MED12L: variants seen among roughly 807,000 people sequenced by gnomAD.
The protein encoded by MED12L is mediator of RNA polymerase II transcription subunit 12-like protein.
Under a neutral mutation model 281.3 loss-of-function variants are expected in MED12L, and 60 were observed. The ratio of observed to expected loss-of-function variants is 0.21; its 90% CI spans 0.17 to 0.26. The LOEUF is 0.26. MED12L is among the 10% of genes least tolerant of loss of function. The pLI is 1.00. For synonymous variants in MED12L, 974 were observed against 987.2 expected (o/e 0.99, Z 0.25); for missense variants, 2,146 against 2,680.9 (o/e 0.80, Z 4.41).
At chr3:151,152,085 G>GTTTTTTTTTTTTTTTTTT (rs141353889) in intron 5 of MED12L, among the ~76,000 whole-genome samples, 2 of 63,020 alleles carry the variant, frequency 3.2e-5, no homozygotes, top group African/African-American at 1.2e-4. Flanking sequence ...GTTGAAGGTG[G>GTTTTTTTTTTTTTTTTTT]TTTTTTTTTT....
At chr3:151,105,317 C>T (rs1411412922) in intron 2 of MED12L, among the ~76,000 whole-genome samples, 1 of 152,172 alleles carries the variant, frequency 6.6e-6, no homozygotes, top group Non-Finnish European at 1.5e-5. Context: ...CCTTAGACCC[C>T]ATGTTTGCAT....
At chr3:151,298,557 C>CT (rs768780360) in intron 16 of MED12L, among the ~76,000 whole-genome samples, 34 of 152,224 alleles carry the variant, frequency 2.2e-4, no homozygotes, top group Non-Finnish European at 3.7e-4. Flanking sequence ...GGTATTCTCT[C>CT]TGACTCTCAT....
chr3:151,324,874 C>T (rs1749406405), intron 16 of MED12L, among the ~76,000 whole-genome samples: 1 of 152,172 alleles, frequency 6.6e-6, no homozygotes, highest in Non-Finnish European at 1.5e-5. Context: ...TTTGTAAATT[C>T]TGCACTTTCC....
chr3:151,122,718 A>G (rs1175429222), intron 3 of MED12L, 65 bp from the exon 4 acceptor site: 1 of 1,068,070 alleles, frequency 9.4e-7, no homozygotes, highest in South Asian at 2.2e-5. Flanking sequence ...GAAAAATACT[A>G]ATGTACAGTA....
Position 151,146,336 on chromosome 3 carries a change from C to G in MED12L, c.557-9825C>G, listed in dbSNP as rs183435223. Among the ~76,000 whole-genome samples the G allele has an allele frequency of 5.0e-4, 76 of 152,296 alleles. 1 individual carries two copies. The highest frequency in any genetic ancestry group is 1.7e-3 in the African/African-American group (72 of 41,552). On this transcript the variant is annotated intron_variant, in intron 5 of 44. Coordinates refer to ENST00000687756, the MANE Select transcript of MED12L (RefSeq NM_001393769.1). The stretch of plus-strand genomic sequence containing the variant: ...CGCTGCCATTTCTGTGTGTGGAACT[C>G]CTTTGTACCTTCCCCAATATGTGGA...
chr3:151,334,076 C>T (rs74683367), intron 16 of MED12L, among the ~76,000 whole-genome samples: 28 of 146,016 alleles, frequency 1.9e-4, no homozygotes, highest in African/African-American at 7.1e-4. Flanking sequence ...GACTCTATCT[C>T]AAAAAAAAGA....
At chr3:151,171,273 G>A (rs1721393519) in intron 11 of MED12L, among the ~76,000 whole-genome samples, 1 of 152,188 alleles carries the variant, frequency 6.6e-6, no homozygotes, top group Non-Finnish European at 1.5e-5. Flanking sequence ...CCTCTGAGCA[G>A]CTGGAGGAGG....
At chr3:151,200,103 CT>C (rs908406716) in intron 16 of MED12L, among the ~76,000 whole-genome samples, 3 of 151,098 alleles carry the variant, frequency 2.0e-5, no homozygotes, top group Admixed American at 6.6e-5. Context: ...ACTTGAGTCG[CT>C]TTTTTTTTCT....
At chr3:151,205,867 G>A (rs1046741685) in intron 16 of MED12L, among the ~76,000 whole-genome samples, 17 of 152,008 alleles carry the variant, frequency 1.1e-4, no homozygotes, top group African/African-American at 3.9e-4. Context: ...CATGCCATTG[G>A]GTGGTAGAAC....
intron 16 of MED12L, among the ~76,000 whole-genome samples, chr3:151,258,142 T>G (rs1485365180): frequency 2.0e-5 from 3 of 152,190 alleles, no homozygotes; most frequent in African/African-American, 7.2e-5. Flanking sequence ...GGATTCATTT[T>G]CTTCCACAGG....
chr3:151,121,037 G>A (rs113515060), intron 3 of MED12L, among the ~76,000 whole-genome samples: 1,921 of 152,136 alleles, frequency 0.013, 46 homozygotes, highest in African/African-American at 0.044. Context: ...CATTTTTAGA[G>A]CTCTGCTTGT....
Position 151,385,445 on chromosome 3 carries a change from A to G in MED12L, c.5088+254A>G, listed in dbSNP as rs147058271. ...TTAAGTAAATTTTTGGAAACCTACC[A>G]AGAGAAAACTAAGTAAAAGCTTAGT... On this transcript the variant is annotated intron_variant, in intron 36 of 44. Transcript: ENST00000687756. 3.5e-3 allele frequency among the ~76,000 whole-genome samples: 538 copies of G among 152,308 alleles called. 2 individuals carry two copies. Among genetic ancestry groups the G allele is most frequent in the South Asian group, 0.023 (110 of 4,826 alleles).
intron 16 of MED12L, among the ~76,000 whole-genome samples, chr3:151,202,203 G>A (rs954422064): frequency 6.6e-6 from 1 of 152,186 alleles, no homozygotes; most frequent in African/African-American, 2.4e-5. Flanking sequence ...TTAAAATATT[G>A]TATAATAACA....
intron 16 of MED12L, among the ~76,000 whole-genome samples, chr3:151,220,187 C>A (rs1036671263): frequency 6.7e-6 from 1 of 150,138 alleles, no homozygotes; most frequent in South Asian, 2.1e-4. Flanking sequence ...TGCCAAATGT[C>A]CTCTGAGGGA....
At chr3:151,396,944 A>G (rs548162159) in intron 39 of MED12L, among the ~76,000 whole-genome samples, 11 of 152,252 alleles carry the variant, frequency 7.2e-5, no homozygotes, top group African/African-American at 2.4e-4. Flanking sequence ...ATATCCTTGC[A>G]TATTTGGGGA....
At chr3:151,214,488 C>T (rs1210984037) in intron 16 of MED12L, 3 of 544,918 alleles carry the variant, frequency 5.5e-6, no homozygotes, top group South Asian at 2.7e-5. Flanking sequence ...GACACTCATC[C>T]CTCCCTCCCT....
chr3:151,398,436 CAG>C (rs1218632985), intron 39 of MED12L, among the ~76,000 whole-genome samples: 1 of 152,138 alleles, frequency 6.6e-6, no homozygotes, highest in African/African-American at 2.4e-5. Context: ...AGTTCCACTG[CAG>C]AGATTGTACA....
chr3:151,107,950 A>C (rs552339680), intron 2 of MED12L, among the ~76,000 whole-genome samples: 1 of 152,358 alleles, frequency 6.6e-6, no homozygotes, highest in Admixed American at 6.5e-5. Flanking sequence ...AAGGCTTTGA[A>C]TGCCAGTCCT....
chr3:151,322,676 A>G (rs966686738), intron 16 of MED12L, among the ~76,000 whole-genome samples: 4 of 152,078 alleles, frequency 2.6e-5, no homozygotes, highest in African/African-American at 9.7e-5. Flanking sequence ...TCTGTTGGCT[A>G]TCTCTTCCTC....
Sources: allele counts gnomAD v4.1 joint callset (sites outside exome capture counted in the v4.1 genomes callset), GRCh38; gene constraint gnomAD v4.1.1; transcripts MANE v1.5; gene names NCBI Gene and HGNC (gene_info 2026-07-23, HGNC 2026-07-21).